NBEA: variants seen among roughly 807,000 people sequenced by gnomAD.
NBEA encodes lysosomal-trafficking regulator 2.
Under a neutral mutation model 343.4 loss-of-function variants are expected in NBEA, and 44 were observed. The observed-to-expected ratio is 0.13, with a 90% CI of 0.10 to 0.16. The LOEUF (loss-of-function observed/expected upper bound fraction) is 0.16, where lower values mean the gene tolerates loss of function less well. Among genes scored for constraint, NBEA ranks in the 10% least tolerant of loss-of-function variants. The probability of loss-of-function intolerance (pLI) is 1.00; values close to 1 mark genes in which losing one functional copy is unlikely to be tolerated. For missense variants in NBEA, 2,555 were observed against 3,631.3 expected (o/e 0.70, Z 7.62); for synonymous variants, 1,175 against 1,238.7 (o/e 0.95, Z 1.08).
intron 34 of NBEA, among the ~76,000 whole-genome samples, chr13:35,249,257 A>G (rs150602566): frequency 1.3e-5 from 2 of 152,236 alleles, no homozygotes; most frequent in East Asian, 3.9e-4. Flanking sequence ...GTAAAAATAG[A>G]TATATTGGAC....
At chr13:35,264,855 A>G (rs1166716318) in intron 34 of NBEA, among the ~76,000 whole-genome samples, 1 of 151,826 alleles carries the variant, frequency 6.6e-6, no homozygotes, top group Non-Finnish European at 1.5e-5. Context: ...CACTCTCTTC[A>G]CTTCTGTTCA....
intron 51 of NBEA, among the ~76,000 whole-genome samples, chr13:35,648,180 CTTTTTT>C (rs949635885): frequency 9.4e-4 from 98 of 104,182 alleles, no homozygotes; most frequent in African/African-American, 3.1e-3. Flanking sequence ...TGTTTAAACT[CTTTTTT>C]TTTTTTTTTT....
intron 36 of NBEA, among the ~76,000 whole-genome samples, chr13:35,334,539 G>A (rs988567403): frequency 3.9e-5 from 6 of 152,148 alleles, no homozygotes; most frequent in African/African-American, 1.4e-4. Context: ...CAAAGTGCTG[G>A]GATTACAGGC....
intron 34 of NBEA, among the ~76,000 whole-genome samples, chr13:35,257,677 G>A (rs1048753892): frequency 6.6e-6 from 1 of 152,152 alleles, no homozygotes; most frequent in Admixed American, 6.5e-5. Flanking sequence ...TATATAAGTG[G>A]TAAACTATTT....
chr13:35,144,407 A>C (rs748025037), intron 18 of NBEA, among the ~76,000 whole-genome samples: 4 of 152,112 alleles, frequency 2.6e-5, no homozygotes, highest in Non-Finnish European at 5.9e-5. Flanking sequence ...GTGAGTGTAT[A>C]ATGAGGTCCT....
At chr13:35,516,921 C>T (rs2077505837) in intron 41 of NBEA, among the ~76,000 whole-genome samples, 1 of 152,186 alleles carries the variant, frequency 6.6e-6, no homozygotes, top group Admixed American at 6.5e-5. Flanking sequence ...TCTCCAAGCT[C>T]ACAACTGGGA....
At chr13:35,281,727 A>G (rs771345121) in intron 34 of NBEA, among the ~76,000 whole-genome samples, 1 of 152,146 alleles carries the variant, frequency 6.6e-6, no homozygotes, top group Admixed American at 6.6e-5. Context: ...TAAAGATCTT[A>G]AAGGTGTATA....
chr13:35,118,956 C>A (rs1242128764), intron 16 of NBEA, among the ~76,000 whole-genome samples: 1 of 151,192 alleles, frequency 6.6e-6, no homozygotes, highest in Non-Finnish European at 1.5e-5. Flanking sequence ...TTTACAATCA[C>A]CAGTGTGAAA....
At chr13:35,154,523 A>C (rs1349365926) in intron 18 of NBEA, among the ~76,000 whole-genome samples, 2 of 152,238 alleles carry the variant, frequency 1.3e-5, no homozygotes, top group African/African-American at 4.8e-5. Context: ...ACTCAAGCCT[A>C]AAATACAGTG....
intron 41 of NBEA, chr13:35,475,343 C>A (rs760929996): frequency 4.3e-6 from 7 of 1,613,922 alleles, no homozygotes; most frequent in Non-Finnish European, 3.4e-6. Context: ...AAGGGCTGGC[C>A]CGGCAGTTCA....
intron 34 of NBEA, among the ~76,000 whole-genome samples, chr13:35,248,543 A>G (rs551267422): frequency 7.2e-4 from 110 of 152,328 alleles, no homozygotes; most frequent in African/African-American, 2.6e-3. Context: ...GCACTGGCAT[A>G]AAGACATAGT....
chr13:35,432,118 A>G, intron 38 of NBEA, 151 bp from the exon 39 acceptor site: 1 of 424,926 alleles, frequency 2.4e-6, no homozygotes. Flanking sequence ...ATGTATATAT[A>G]TACACAAATA....
chr13:35,187,188 C>G (rs1053935966), intron 30 of NBEA, among the ~76,000 whole-genome samples: 1 of 151,510 alleles, frequency 6.6e-6, no homozygotes, highest in East Asian at 1.9e-4. Context: ...TTTGAGAAAC[C>G]CTTTTCTGGA....
intron 46 of NBEA, chr13:35,592,971 C>A: frequency 5.3e-6 from 1 of 187,094 alleles, no homozygotes; most frequent in Non-Finnish European, 1.1e-5. Flanking sequence ...AGTGATTTTT[C>A]TTATTGCAAT....
intron 41 of NBEA, 28 bp downstream of exon 41, chr13:35,472,564 A>C (rs376437656): frequency 4.3e-6 from 7 of 1,613,516 alleles, no homozygotes; most frequent in Non-Finnish European, 5.9e-6. Flanking sequence ...CATGTACAGT[A>C]TTGGTGGCTT....
rs868251811 is a variant in NBEA, at chr13:35,492,229, A to G, written c.6585+19693A>G. On this transcript the variant is annotated intron_variant, in intron 41 of 58. Transcript: ENST00000379939. ...AGAAGGGAATGAGGGATAAAAGACT[A>G]TGAATTGGGTTTAATGTATACTGCT... is the stretch of plus-strand genomic sequence containing the variant. Among the ~76,000 whole-genome samples the G allele has an allele frequency of 3.3e-5, 5 of 151,952 alleles. No homozygotes were observed. In the East Asian group the frequency reaches 9.7e-4, roughly 30 times the overall value.
intron 1 of NBEA, among the ~76,000 whole-genome samples, chr13:34,961,385 G>A (rs1277822820): frequency 1.3e-5 from 2 of 151,914 alleles, no homozygotes; most frequent in African/African-American, 4.8e-5. Flanking sequence ...TCATTGTCCA[G>A]TTTTGACTCA....
intron 18 of NBEA, among the ~76,000 whole-genome samples, chr13:35,154,227 G>T (rs1045895651): frequency 3.3e-5 from 5 of 152,036 alleles, no homozygotes; most frequent in Non-Finnish European, 7.4e-5. Flanking sequence ...GAGCAGAAGG[G>T]GAAGGAAAAT....
intron 1 of NBEA, among the ~76,000 whole-genome samples, chr13:34,985,401 G>A (rs2060510408): frequency 1.3e-5 from 2 of 150,994 alleles, no homozygotes; most frequent in Admixed American, 1.3e-4. Flanking sequence ...ACTTGATTGT[G>A]CTGAATAAGC....
Sources: gnomAD v4.1 joint callset for allele counts (sites outside exome capture counted in the v4.1 genomes callset) on GRCh38, gnomAD v4.1.1 for gene constraint, MANE v1.5 for transcripts, NCBI Gene and HGNC (gene_info 2026-07-23, HGNC 2026-07-21) for gene names.